The following SNX29 variants were observed in gnomAD, a reference collection of about 807,000 sequenced individuals.
SNX29 encodes the protein sorting nexin-29.
A neutral mutation model predicts 102.1 loss-of-function variants in SNX29; 78 were observed. The observed-to-expected ratio is 0.76, with a 90% CI of 0.64 to 0.92. SNX29 has a LOEUF of 0.92. Among genes scored for constraint, SNX29 ranks in the 40% least tolerant of loss-of-function variants. SNX29 has a pLI of 0.00. For missense variants in SNX29, 1,280 were observed against 1,061.7 expected (o/e 1.21, Z -2.86); for synonymous variants, 580 against 414.5 (o/e 1.40, Z -4.85).
At chr16:12,074,567 A>T (rs2051456197) in intron 10 of SNX29, among the ~76,000 whole-genome samples, 1 of 152,008 alleles carries the variant, frequency 6.6e-6, no homozygotes, top group Non-Finnish European at 1.5e-5. Flanking sequence ...TTTGTGGGTA[A>T]CCCGACCTTT....
At chr16:12,210,506 C>G (rs2077155541) in intron 14 of SNX29, among the ~76,000 whole-genome samples, 2 of 148,972 alleles carry the variant, frequency 1.3e-5, no homozygotes, top group African/African-American at 2.5e-5. Context: ...ACTGAGAAGT[C>G]TTGCCTGAGA....
At chr16:12,436,806 A>G (rs75700699) in intron 18 of SNX29, among the ~76,000 whole-genome samples, 10,772 of 152,298 alleles carry the variant, frequency 0.071, 646 homozygotes, top group East Asian at 0.27. Context: ...GGTGCCTGCC[A>G]CCATGCCCGG....
At chr16:12,018,392 A>G (rs1162843858) in intron 3 of SNX29, among the ~76,000 whole-genome samples, 1 of 151,242 alleles carries the variant, frequency 6.6e-6, no homozygotes, top group Non-Finnish European at 1.5e-5. Context: ...CCTGGCCAAG[A>G]TGGTAAAACC....
chr16:12,536,009 C>T (rs756162350), intron 20 of SNX29, among the ~76,000 whole-genome samples: 6 of 152,174 alleles, frequency 3.9e-5, no homozygotes, highest in Admixed American at 2.6e-4. Flanking sequence ...TCGACACGCA[C>T]TCGGAGCTAT....
intron 14 of SNX29, among the ~76,000 whole-genome samples, chr16:12,245,465 A>C (rs1017340603): frequency 1.4e-4 from 21 of 151,384 alleles, no homozygotes; most frequent in Admixed American, 1.4e-3. Context: ...GTTTTGAATT[A>C]TAGTGACAAC....
At chr16:12,552,739 G>C (rs758850842) in intron 20 of SNX29, among the ~76,000 whole-genome samples, 3 of 152,262 alleles carry the variant, frequency 2.0e-5, no homozygotes, top group African/African-American at 7.2e-5. Flanking sequence ...GGTATCTCCA[G>C]TGAAATCACT....
At chr16:12,244,921 T>C (rs1567351762) in intron 14 of SNX29, among the ~76,000 whole-genome samples, 1 of 152,218 alleles carries the variant, frequency 6.6e-6, no homozygotes, top group African/African-American at 2.4e-5. Context: ...ATGTTTCTCC[T>C]TTCAGATTTG....
chr16:12,538,732 G>A (rs1006883449), intron 20 of SNX29, among the ~76,000 whole-genome samples: 1 of 152,104 alleles, frequency 6.6e-6, no homozygotes, highest in Non-Finnish European at 1.5e-5. Flanking sequence ...GCACAGACAG[G>A]AGAAGCACAC....
chr16:12,571,510 G>C lies in SNX29; in HGVS notation c.*2881G>C, dbSNP rs567238173. 3 of 596,066 alleles carry C rather than the reference G, an allele frequency of 5.0e-6. No individual in the cohort carries two copies. Among genetic ancestry groups the C allele is most frequent in the Non-Finnish European group, 6.7e-6 (3 of 450,972 alleles). The allele number at this position is 596,066 out of a possible 1,614,324, so 36.9% of individuals were successfully genotyped here. On this transcript the variant is annotated 3_prime_UTR_variant, in exon 21 of 21. Coordinates refer to ENST00000566228, the MANE Select transcript of SNX29 (RefSeq NM_032167.5). ...GGAACGAGGGTGGCCCACCTCTCAAGGGCCTTGGATTCCTGGGACCACCCT... is the reference window on the plus strand; with the variant it reads ...GGAACGAGGGTGGCCCACCTCTCAACGGCCTTGGATTCCTGGGACCACCCT...
chr16:12,533,547 TCTTA>T (rs1156749708), intron 20 of SNX29, among the ~76,000 whole-genome samples: 1 of 152,194 alleles, frequency 6.6e-6, no homozygotes, highest in Admixed American at 6.5e-5. Context: ...TGTCCTCATT[TCTTA>T]CTTTCTTAGC....
At chr16:12,210,547 A>G (rs984195478) in intron 14 of SNX29, among the ~76,000 whole-genome samples, 2 of 151,898 alleles carry the variant, frequency 1.3e-5, no homozygotes, top group Admixed American at 1.3e-4. Flanking sequence ...GGTAGAGCCA[A>G]GAGACAGAGA....
At chr16:11,988,629 G>C (rs2055725373) in intron 1 of SNX29, among the ~76,000 whole-genome samples, 1 of 151,852 alleles carries the variant, frequency 6.6e-6, no homozygotes, top group Non-Finnish European at 1.5e-5. Flanking sequence ...CAAACTCCTA[G>C]GCTCAAGCAA....
At chr16:12,546,340 C>G (rs528050649) in intron 20 of SNX29, 6 of 152,352 alleles carry the variant, frequency 3.9e-5, no homozygotes, top group Admixed American at 2.0e-4. Flanking sequence ...GTTTAATGGA[C>G]TCACAGTTCC....
chr16:12,278,075 T>C (rs367870969), intron 15 of SNX29, 39 bp downstream of exon 15: 54 of 1,538,646 alleles, frequency 3.5e-5, no homozygotes, highest in East Asian at 4.8e-5. Flanking sequence ...GTTTCTGATG[T>C]TGGCTGCGTT....
At chr16:12,516,481 GA>G (rs5815691) in intron 19 of SNX29, among the ~76,000 whole-genome samples, 3,952 of 109,504 alleles carry the variant, frequency 0.036, 158 homozygotes, top group East Asian at 0.23. Context: ...TCCCGTCTCA[GA>G]AAAAAAAAAA....
chr16:12,538,602 G>A (rs2077183256), intron 20 of SNX29, among the ~76,000 whole-genome samples: 2 of 152,278 alleles, frequency 1.3e-5, no homozygotes, highest in Admixed American at 6.5e-5. Context: ...ATCAGTAGGT[G>A]GATGCAGGAG....
At chr16:12,292,979 C>A (rs1298378865) in intron 15 of SNX29, among the ~76,000 whole-genome samples, 1 of 152,170 alleles carries the variant, frequency 6.6e-6, no homozygotes, top group East Asian at 1.9e-4. Context: ...CAGAGTAGTT[C>A]ACTCTTATTA....
In SNX29 at chr16:12,054,212, C is replaced by T. The variant is rs530760770; in HGVS notation, c.1124+1990C>T. On this transcript the variant is annotated intron_variant, in intron 8 of 20. Transcript: ENST00000566228. ...CAAACTCCTGATCTCGTGATCTGCC[C>T]GCCTTGGCCTCCCAAAGTGCTGGGA... Among the ~76,000 whole-genome samples, 8 of 152,318 alleles carry T rather than the reference C, an allele frequency of 5.3e-5. No homozygotes were observed. In the East Asian group the frequency reaches 7.7e-4, roughly 15 times the overall value.
chr16:12,211,268 C>T (rs2077176225), intron 14 of SNX29, among the ~76,000 whole-genome samples: 1 of 152,140 alleles, frequency 6.6e-6, no homozygotes, highest in Non-Finnish European at 1.5e-5. Context: ...TATAAGCAAG[C>T]AGGTAATTTC....
Sources: allele counts gnomAD v4.1 joint callset (sites outside exome capture counted in the v4.1 genomes callset), GRCh38; gene constraint gnomAD v4.1.1; transcripts MANE v1.5; gene names NCBI Gene and HGNC (gene_info 2026-07-23, HGNC 2026-07-21).